The following SLC44A3 variants were observed in gnomAD, a reference collection of about 807,000 sequenced individuals.
SLC44A3 encodes choline transporter-like protein 3.
A neutral mutation model predicts 75.4 loss-of-function variants in SLC44A3; 74 were observed. The ratio of observed to expected loss-of-function variants is 0.98; its 90% CI spans 0.81 to 1.19. The LOEUF is 1.19. SLC44A3 is among the 50% of genes most tolerant of loss of function. The pLI, the probability that SLC44A3 is intolerant of heterozygous loss-of-function variation, is 0.00. For missense variants in SLC44A3, 700 were observed against 778.6 expected, an observed-to-expected ratio of 0.90 and a Z score of 1.20; for synonymous variants, 310 against 296.9, an observed-to-expected ratio of 1.04 and a Z score of -0.45.
intron 10 of SLC44A3, among the ~76,000 whole-genome samples, chr1:94,861,163 A>C (rs541904293): frequency 6.6e-6 from 1 of 152,398 alleles, no homozygotes; most frequent in African/African-American, 2.4e-5. Context: ...TTTACAGCAC[A>C]TATTATTTAT....
intron 10 of SLC44A3, among the ~76,000 whole-genome samples, chr1:94,863,227 C>A (rs1666783756): frequency 6.6e-6 from 1 of 152,130 alleles, no homozygotes; most frequent in Non-Finnish European, 1.5e-5. Context: ...TCCAGCCAAG[C>A]CAGGCAGAGC....
At chr1:94,834,231 C>T (rs11165254) in intron 5 of SLC44A3, among the ~76,000 whole-genome samples, 53,569 of 119,930 alleles carry the variant, frequency 0.45, 9,551 homozygotes, top group East Asian at 0.59. Context: ...ATGGCAGGTT[C>T]TAGGACTTGG....
intron 9 of SLC44A3, among the ~76,000 whole-genome samples, chr1:94,847,684 A>G (rs1039263493): frequency 1.1e-4 from 16 of 152,168 alleles, no homozygotes; most frequent in Non-Finnish European, 2.1e-4. Flanking sequence ...AAAATGTCCT[A>G]GATTCTAATC....
At chr1:94,823,934 T>C (rs1361070470) in intron 2 of SLC44A3, among the ~76,000 whole-genome samples, 1 of 152,244 alleles carries the variant, frequency 6.6e-6, no homozygotes, top group Non-Finnish European at 1.5e-5. Flanking sequence ...AAGATGTTCT[T>C]GTCCAACAGA....
At chr1:94,836,630 T>C (rs1662824936) in intron 5 of SLC44A3, 1 of 152,196 alleles carries the variant, frequency 6.6e-6, no homozygotes, top group Admixed American at 6.5e-5. Context: ...AAAATTGTGG[T>C]TCCCACTGGG....
chr1:94,865,007 G>A (rs1666996732), intron 11 of SLC44A3, 108 bp downstream of exon 11: 13 of 1,224,260 alleles, frequency 1.1e-5, no homozygotes, highest in South Asian at 6.0e-5. Context: ...CTGTGACAGC[G>A]GGCCGTGCAG....
At chr1:94,822,816 A>G (rs1195701699) in intron 2 of SLC44A3, among the ~76,000 whole-genome samples, 1 of 152,186 alleles carries the variant, frequency 6.6e-6, no homozygotes, top group African/African-American at 2.4e-5. Context: ...TTGGTGGCCA[A>G]TGTACTAGAC....
intron 14 of SLC44A3, among the ~76,000 whole-genome samples, chr1:94,893,911 A>G (rs1670490457): frequency 1.3e-5 from 2 of 151,968 alleles, no homozygotes; most frequent in South Asian, 4.2e-4. Context: ...CCTGGCCAAC[A>G]TGGTGAAACC....
chr1:94,830,851 A>T, intron 5 of SLC44A3, among the ~76,000 whole-genome samples: 1 of 152,236 alleles, frequency 6.6e-6, no homozygotes, highest in East Asian at 1.9e-4. Flanking sequence ...ATATCTTGAT[A>T]CTTATGATGA....
intron 12 of SLC44A3, among the ~76,000 whole-genome samples, chr1:94,887,239 A>G (rs1237551362): frequency 6.6e-6 from 1 of 152,196 alleles, no homozygotes; most frequent in South Asian, 2.1e-4. Context: ...CAGCTGCCTG[A>G]CAAGCAGCTT....
At chr1:94,843,174 G>C (rs2101070398) in intron 8 of SLC44A3, 1 of 152,382 alleles carries the variant, frequency 6.6e-6, no homozygotes, top group African/African-American at 2.4e-5. Context: ...CTCCCTTTTT[G>C]TTTGTACACT....
intron 8 of SLC44A3, among the ~76,000 whole-genome samples, chr1:94,844,867 A>G (rs529530546): frequency 6.6e-6 from 1 of 152,302 alleles, no homozygotes; most frequent in East Asian, 1.9e-4. Flanking sequence ...GGAAAGCTAG[A>G]AGAAGGCACA....
chr1:94,824,161 G>A (rs1436851766), intron 2 of SLC44A3, among the ~76,000 whole-genome samples: 1 of 151,322 alleles, frequency 6.6e-6, no homozygotes, highest in Non-Finnish European at 1.5e-5. Context: ...AGAACATCAA[G>A]GGAAGAAAAA....
intron 7 of SLC44A3, among the ~76,000 whole-genome samples, chr1:94,841,796 G>A (rs186195115): frequency 6.6e-6 from 1 of 152,318 alleles, no homozygotes; most frequent in East Asian, 1.9e-4. Context: ...CAGAACTTGT[G>A]GGTCCTCTAT....
At chr1:94,851,064 C>A (rs958854883) in intron 9 of SLC44A3, among the ~76,000 whole-genome samples, 4 of 152,204 alleles carry the variant, frequency 2.6e-5, no homozygotes, top group Non-Finnish European at 4.4e-5. Context: ...CATCCCCATA[C>A]CTTTGCTCCT....
chr1:94,844,425 A>T (rs1664117388), intron 8 of SLC44A3, among the ~76,000 whole-genome samples: 1 of 152,220 alleles, frequency 6.6e-6, no homozygotes, highest in African/African-American at 2.4e-5. Flanking sequence ...TCTAGGAAGG[A>T]TGCTGAAAGC....
chr1:94,890,113 G>C (rs1238457376), intron 12 of SLC44A3, among the ~76,000 whole-genome samples: 1 of 152,184 alleles, frequency 6.6e-6, no homozygotes, highest in Non-Finnish European at 1.5e-5. Flanking sequence ...GCCTCCTAAA[G>C]TGTTGGGATT....
At chr1:94,856,887 T>C (rs928641372) in intron 9 of SLC44A3, among the ~76,000 whole-genome samples, 2 of 152,138 alleles carry the variant, frequency 1.3e-5, no homozygotes, top group Admixed American at 6.5e-5. Flanking sequence ...CCTGCGACCA[T>C]GCTTGGCTAA....
chr1:94,877,861 G>A (rs1668462805), intron 12 of SLC44A3, among the ~76,000 whole-genome samples: 1 of 152,116 alleles, frequency 6.6e-6, no homozygotes, highest in African/African-American at 2.4e-5. Flanking sequence ...GACTTCATCG[G>A]GATGCACCCC....
Sources: gnomAD v4.1 joint callset for allele counts (sites outside exome capture counted in the v4.1 genomes callset) on GRCh38, gnomAD v4.1.1 for gene constraint, MANE v1.5 for transcripts, NCBI Gene and HGNC (gene_info 2026-07-23, HGNC 2026-07-21) for gene names.